Variants in NRXN3 observed in about 807,000 individuals in gnomAD.
The protein encoded by NRXN3 is neurexin III.
NRXN3 carries 32 observed loss-of-function variants against 137.6 expected under a neutral mutation model. That is an observed-to-expected ratio of 0.23 (90% CI 0.18 to 0.31). The LOEUF is 0.31. Among genes scored for constraint, NRXN3 ranks in the 10% least tolerant of loss-of-function variants. The pLI, the probability that NRXN3 is intolerant of heterozygous loss-of-function variation, is 1.00. For missense variants in NRXN3, 1,574 were observed against 2,062.5 expected (o/e 0.76, Z 4.59); for synonymous variants, 798 against 784.5 (o/e 1.02, Z -0.29).
At chr14:78,391,226 G>A (rs2090728089) in intron 4 of NRXN3, among the ~76,000 whole-genome samples, 1 of 152,124 alleles carries the variant, frequency 6.6e-6, no homozygotes, top group Non-Finnish European at 1.5e-5. Flanking sequence ...CCACACATCT[G>A]GATTAGCTGA....
intron 19 of NRXN3, among the ~76,000 whole-genome samples, chr14:79,718,599 A>G (rs2098831635): frequency 6.6e-6 from 1 of 152,154 alleles, no homozygotes; most frequent in Non-Finnish European, 1.5e-5. Context: ...TTGAACTAGT[A>G]TAGCAGCCAG....
At chr14:79,515,535 A>T (rs2096486739) in intron 16 of NRXN3, among the ~76,000 whole-genome samples, 1 of 150,372 alleles carries the variant, frequency 6.7e-6, no homozygotes, top group Non-Finnish European at 1.5e-5. Context: ...GGCACATCAC[A>T]GTGATCATCA....
intron 10 of NRXN3, among the ~76,000 whole-genome samples, chr14:78,930,749 TC>T (rs1296086989): frequency 1.3e-5 from 2 of 152,202 alleles, no homozygotes; most frequent in East Asian, 3.9e-4. Flanking sequence ...AAACTTTCTT[TC>T]CCCAAGGTTG....
chr14:78,243,086 C>G lies in NRXN3; in HGVS notation c.-8C>G, dbSNP rs1355537348. The G allele has an allele frequency of 1.3e-6, 2 of 1,505,336 alleles. No homozygotes were observed. The highest frequency in any genetic ancestry group is 1.8e-6 in the Non-Finnish European group (2 of 1,131,268). The allele number at this position is 1,505,336 out of a possible 1,614,324, so 93.2% of individuals were successfully genotyped here. A position where few individuals can be genotyped will look rare whatever the true frequency, so the allele number is the denominator to read the frequency against. ...TCTGCTCCTCCGGGCTCTGTCCCAG[C>G]AGCGACAATGAGCTCCACACTCCAC... On this transcript the variant is annotated 5_prime_UTR_variant, in exon 2 of 21. Coordinates refer to ENST00000335750, the MANE Select transcript of NRXN3 (RefSeq NM_001330195.2). This position sits in a 1 kb window ranked among gnomAD's most constrained non-coding sequence, Gnocchi z 4.2.
chr14:78,213,890 G>A (rs1331099756), intron 1 of NRXN3, among the ~76,000 whole-genome samples: 6 of 152,080 alleles, frequency 3.9e-5, no homozygotes, highest in African/African-American at 1.2e-4. Flanking sequence ...CTGTTTATTC[G>A]CCAGAAACTC....
intron 4 of NRXN3, among the ~76,000 whole-genome samples, chr14:78,310,840 A>G (rs971073832): frequency 8.5e-5 from 13 of 152,162 alleles, no homozygotes; most frequent in African/African-American, 2.7e-4. Flanking sequence ...GGGAGCAAGA[A>G]TACTAGACAC....
At chr14:78,552,465 T>C (rs1242611924) in intron 4 of NRXN3, among the ~76,000 whole-genome samples, 2 of 152,126 alleles carry the variant, frequency 1.3e-5, no homozygotes, top group Non-Finnish European at 2.9e-5. Context: ...CTAACTGTGG[T>C]CATGAGAAGT....
Position 79,064,797 on chromosome 14 carries a change from A to G in NRXN3, c.3262+76656A>G, listed in dbSNP as rs545807568. 9.9e-4 allele frequency among the ~76,000 whole-genome samples: 53 copies of G among 53,306 alleles called. 1 individual carries two copies. In the South Asian group the frequency reaches 0.038, roughly 39 times the overall value. The allele number at this position is 53,306 out of a possible 152,430, so 35.0% of individuals were successfully genotyped here. A position where few individuals can be genotyped will look rare whatever the true frequency, so the allele number is the denominator to read the frequency against. On this transcript the variant is annotated intron_variant, in intron 15 of 20. Transcript: ENST00000335750. ...TGTGTGTATATATATATAATTACCC[A>G]TATATATGTGTGTGTGTGTGTGTGT...
At chr14:78,743,626 A>T (rs1038541747) in intron 8 of NRXN3, among the ~76,000 whole-genome samples, 2 of 152,200 alleles carry the variant, frequency 1.3e-5, no homozygotes, top group Non-Finnish European at 2.9e-5. Context: ...TCAAAACTAG[A>T]TATCTGGGAG....
At chr14:78,230,093 C>T (rs976615022) in intron 1 of NRXN3, among the ~76,000 whole-genome samples, 2 of 152,102 alleles carry the variant, frequency 1.3e-5, no homozygotes, top group African/African-American at 2.4e-5. Flanking sequence ...GGCACGATCT[C>T]GGCTCACTGC....
At chr14:79,549,456 T>A in intron 16 of NRXN3, among the ~76,000 whole-genome samples, 1 of 152,154 alleles carries the variant, frequency 6.6e-6, no homozygotes, top group Non-Finnish European at 1.5e-5. Flanking sequence ...AAATGAAAAG[T>A]ATTCCACAAA....
At chr14:79,330,274 G>T (rs1451434309) in intron 15 of NRXN3, among the ~76,000 whole-genome samples, 2 of 152,090 alleles carry the variant, frequency 1.3e-5, no homozygotes, top group African/African-American at 4.8e-5. Context: ...TATTAAGAAG[G>T]GATTTGCAAT....
chr14:78,316,320 A>G (rs2078706979), intron 4 of NRXN3, among the ~76,000 whole-genome samples: 1 of 152,124 alleles, frequency 6.6e-6, no homozygotes, highest in South Asian at 2.1e-4. Flanking sequence ...GGTAGGGTGG[A>G]CAATTTGCTT....
chr14:78,797,352 AC>A (rs1339503363), intron 8 of NRXN3, among the ~76,000 whole-genome samples: 2 of 152,190 alleles, frequency 1.3e-5, no homozygotes, highest in Non-Finnish European at 2.9e-5. Flanking sequence ...AGGAAATGTG[AC>A]CCATACACAG....
chr14:78,278,258 C>T (rs527730934), intron 2 of NRXN3, among the ~76,000 whole-genome samples: 6 of 152,202 alleles, frequency 3.9e-5, no homozygotes, highest in South Asian at 4.2e-4. Flanking sequence ...TATCCAAAGA[C>T]GGGGAGGAGG....
At chr14:79,124,458 A>G (rs2056042485) in intron 15 of NRXN3, among the ~76,000 whole-genome samples, 1 of 152,166 alleles carries the variant, frequency 6.6e-6, no homozygotes, top group African/African-American at 2.4e-5. Context: ...AGAACAGGTA[A>G]TGGTACAGAG....
At chr14:79,561,855 A>C (rs2097501184) in intron 16 of NRXN3, among the ~76,000 whole-genome samples, 1 of 152,174 alleles carries the variant, frequency 6.6e-6, no homozygotes, top group Non-Finnish European at 1.5e-5. Flanking sequence ...CTGAATACTG[A>C]TGTAACTTTT....
At chr14:78,534,490 A>G (rs149548559) in intron 4 of NRXN3, among the ~76,000 whole-genome samples, 3 of 152,348 alleles carry the variant, frequency 2.0e-5, no homozygotes, top group African/African-American at 2.4e-5. Context: ...TGCCCAATCT[A>G]TAACGAATAT....
chr14:79,340,242 G>T (rs752892551), intron 15 of NRXN3, among the ~76,000 whole-genome samples: 1 of 151,836 alleles, frequency 6.6e-6, no homozygotes, highest in African/African-American at 2.4e-5. Flanking sequence ...TTCGTTGGAG[G>T]AGGAGTGTGA....
Sources: allele counts gnomAD v4.1 joint callset (sites outside exome capture counted in the v4.1 genomes callset), GRCh38; gene constraint gnomAD v4.1.1; non-coding constraint Gnocchi (gnomAD v3.1); transcripts MANE v1.5; gene names NCBI Gene and HGNC (gene_info 2026-07-23, HGNC 2026-07-21).